The following CCM2L variants were observed in gnomAD, a reference collection of about 807,000 sequenced individuals.
CCM2L encodes CCM2 like scaffold protein.
In CCM2L, 36 loss-of-function variants were observed where a neutral mutation model predicts 54.1. That is an observed-to-expected ratio of 0.67 (90% CI 0.51 to 0.88). The LOEUF is 0.88. Among genes scored for constraint, CCM2L ranks in the 40% least tolerant of loss-of-function variants. The pLI is 0.00. For synonymous variants in CCM2L, 351 were observed against 359.3 expected (o/e 0.98, Z 0.26); for missense variants, 700 against 812.1 (o/e 0.86, Z 1.68).
chr20:32,011,946 A>G (rs1313872311), intron 1 of CCM2L, among the ~76,000 whole-genome samples: 1 of 151,612 alleles, frequency 6.6e-6, no homozygotes. Flanking sequence ...TCCCAGCTCC[A>G]TAGCCGGCAT....
chr20:32,024,835 A>G (rs904626500), intron 6 of CCM2L, among the ~76,000 whole-genome samples: 13 of 152,220 alleles, frequency 8.5e-5, no homozygotes, highest in Admixed American at 2.6e-4. Context: ...CTCAAAATAA[A>G]TAAATAACCA....
At position 32,028,965 on chromosome 20, in the gene CCM2L, G is replaced by A. The variant is rs376438393; in HGVS notation, c.1134-30G>A. 3.3e-5 allele frequency: 54 copies of A among 1,612,720 alleles called. No homozygotes were observed. In the East Asian group the frequency reaches 5.3e-4, roughly 16 times the overall value. ...TGAGGGCCAGGAGCTGGAGGGAGGC[G>A]AGTGAAGGCCCTTCTTCCCGTGCCT... On this transcript the variant is annotated intron_variant, in intron 7 of 9. Coordinates refer to ENST00000452892, the MANE Select transcript of CCM2L (RefSeq NM_001365692.1).
Position 32,022,656 on chromosome 20 carries a change from C to A in CCM2L, c.934-4C>A. 6.2e-7 allele frequency: 1 copy of A among 1,613,902 alleles called. No individual in the cohort carries two copies. The highest frequency in any genetic ancestry group is 2.2e-5 in the East Asian group (1 of 44,886). On this transcript the variant is annotated splice_region_variant and splice_polypyrimidine_tract_variant and intron_variant, in intron 5 of 9. Transcript: ENST00000452892. ...TGAGCTCTCTCTCCTCCTCCCTGGGCCAGGACGCTGCAGAGGAGTCCTGCG... is the reference window on the plus strand; with the variant it reads ...TGAGCTCTCTCTCCTCCTCCCTGGGACAGGACGCTGCAGAGGAGTCCTGCG...
intron 1 of CCM2L, among the ~76,000 whole-genome samples, chr20:32,010,865 A>G (rs757197821): frequency 2.0e-5 from 3 of 152,102 alleles, no homozygotes; most frequent in Non-Finnish European, 4.4e-5. Context: ...CACTGCCCCA[A>G]ACAGAAGGAC....
chr20:32,016,976 C>T (rs1351434667), intron 2 of CCM2L, among the ~76,000 whole-genome samples: 1 of 151,832 alleles, frequency 6.6e-6, no homozygotes. Flanking sequence ...GGTGAAACCC[C>T]GTCTCTACTA....
At chr20:32,024,011 G>C (rs1348849574) in intron 6 of CCM2L, among the ~76,000 whole-genome samples, 2 of 152,202 alleles carry the variant, frequency 1.3e-5, no homozygotes, top group Non-Finnish European at 2.9e-5. Flanking sequence ...GGGATTACAG[G>C]TATGAGCCAC....
At position 32,025,908 on chromosome 20, in the gene CCM2L, C is replaced by T. The variant is rs1172958304; in HGVS notation, c.1122C>T (p.Cys374=). 1.5e-6 allele frequency: 2 copies of T among 1,304,142 alleles called. No homozygotes were observed. Among genetic ancestry groups the T allele is most frequent in the Non-Finnish European group, 2.0e-6 (2 of 988,954 alleles). 80.8% of individuals were successfully genotyped at this position (1,304,142 alleles called of 1,614,324 possible). ...ATGCCTATGATGCCGACTTCAGCTG[C>T]TGCAGCTCCTTGTGAGTACAGCCCC... ...GTYAYDADFS[C]CSSFNGSQDT... The change falls in exon 7 of 10, where the codon TGC becomes TGT. Residue 374 remains cysteine, a synonymous_variant. Coordinates refer to ENST00000452892, the MANE Select transcript of CCM2L (RefSeq NM_001365692.1).
At chr20:32,029,563 C>G in intron 8 of CCM2L, 137 bp from the exon 9 acceptor site, 1 of 1,126,084 alleles carries the variant, frequency 8.9e-7, no homozygotes, top group East Asian at 2.7e-5. Context: ...ATCTAGATGT[C>G]CTCTGAATAG....
At chr20:32,012,022 C>T (rs73102694) in intron 1 of CCM2L, among the ~76,000 whole-genome samples, 13,253 of 151,798 alleles carry the variant, frequency 0.087, 615 homozygotes, top group African/African-American at 0.13. Flanking sequence ...TCCAGGCTCA[C>T]CCTCATCCAG....
At chr20:32,027,067 A>T (rs1347573239) in intron 7 of CCM2L, among the ~76,000 whole-genome samples, 1 of 152,226 alleles carries the variant, frequency 6.6e-6, no homozygotes, top group African/African-American at 2.4e-5. Context: ...TAAACAATTC[A>T]GTTGGGAACA....
intron 7 of CCM2L, chr20:32,028,459 C>G (rs1273892765): frequency 6.7e-6 from 1 of 149,358 alleles, no homozygotes; most frequent in Non-Finnish European, 1.5e-5. Context: ...AAATTTTGAA[C>G]AGGATAGAGC....
At chr20:32,012,752 T>G (rs1473294734) in intron 1 of CCM2L, among the ~76,000 whole-genome samples, 1 of 152,208 alleles carries the variant, frequency 6.6e-6, no homozygotes, top group Non-Finnish European at 1.5e-5. Context: ...AGGTCTCCAC[T>G]GAATCCTCAG....
chr20:32,022,950 ATTTTC>A (rs933270887), intron 6 of CCM2L, among the ~76,000 whole-genome samples, 155 bp downstream of exon 6: 1 of 150,436 alleles, frequency 6.6e-6, no homozygotes, highest in African/African-American at 2.5e-5. Flanking sequence ...TGAAATGTCA[ATTTTC>A]TTTTTCTTTT....
intron 5 of CCM2L, among the ~76,000 whole-genome samples, chr20:32,021,827 C>A (rs1195316373): frequency 6.6e-6 from 1 of 152,206 alleles, no homozygotes; most frequent in Admixed American, 6.5e-5. Flanking sequence ...GCATCTTTGT[C>A]TGTCCATTTT....
chr20:32,016,010 C>T (rs2064738755), intron 2 of CCM2L, among the ~76,000 whole-genome samples: 2 of 152,044 alleles, frequency 1.3e-5, no homozygotes, highest in South Asian at 4.2e-4. Flanking sequence ...GCACGCACCA[C>T]CACACGCAGC....
rs1050567090 is a variant in CCM2L, at chr20:32,022,661, A to G, written c.935A>G (p.Asp312Gly). ...TCTCTCTCCTCCTCCCTGGGCCAGG[A>G]CGCTGCAGAGGAGTCCTGCGCACTC... is the stretch of plus-strand genomic sequence containing the variant. ...NLVILAVANRDAAEESCALIC... is the reference protein window; with the variant it reads ...NLVILAVANRGAAEESCALIC... The change falls in exon 6 of 10, where the codon GAC (aspartate) becomes GGC (glycine). Residue 312 changes from aspartate to glycine, a missense_variant and splice_region_variant. Asp to Gly is a moderately conservative substitution (Grantham distance 94). Coordinates refer to ENST00000452892, the MANE Select transcript of CCM2L (RefSeq NM_001365692.1). 4 of 1,613,950 alleles carry G rather than the reference A, an allele frequency of 2.5e-6. No individual in the cohort carries two copies. The African/African-American group carries it at 5.3e-5, about 22-fold the overall frequency.
rs1215785645 is a variant in CCM2L, at chr20:32,018,028, T to G, written c.332T>G (p.Leu111Arg). ...LKTTAEQDSI[L>R]SLSARCLLLT... ...ACCACGGCGGAGCAGGACAGCATCCTGAGCCTGTCTGCCCGCTGCCTGCTG... is the reference window on the plus strand; with the variant it reads ...ACCACGGCGGAGCAGGACAGCATCCGGAGCCTGTCTGCCCGCTGCCTGCTG... The change falls in exon 4 of 10, where the codon CTG becomes CGG. Residue 111 changes from leucine to arginine, a missense_variant. Transcript: ENST00000452892. The G allele has an allele frequency of 1.2e-6, 2 of 1,613,694 alleles. No homozygotes were observed. Among genetic ancestry groups the G allele is most frequent in the African/African-American group, 1.3e-5 (1 of 74,914 alleles).
chr20:32,017,592 T>A (rs948427021), intron 2 of CCM2L, among the ~76,000 whole-genome samples: 3 of 152,212 alleles, frequency 2.0e-5, no homozygotes, highest in African/African-American at 7.2e-5. Flanking sequence ...TTCTCATCCT[T>A]AAAGCAAGGG....
At chr20:32,027,056 T>A (rs73104610) in intron 7 of CCM2L, among the ~76,000 whole-genome samples, 9,920 of 152,186 alleles carry the variant, frequency 0.065, 458 homozygotes, top group Middle Eastern at 0.1. Flanking sequence ...AAATAAAATT[T>A]TAAACAATTC....
Sources: gnomAD v4.1 joint callset for allele counts (sites outside exome capture counted in the v4.1 genomes callset) on GRCh38, gnomAD v4.1.1 for gene constraint, MANE v1.5 for transcripts, NCBI Gene and HGNC (gene_info 2026-07-23, HGNC 2026-07-21) for gene names.